Variants in NRG1 observed in about 807,000 individuals in gnomAD.
NRG1 encodes pro-neuregulin-1, membrane-bound isoform.
A neutral mutation model predicts 63.8 loss-of-function variants in NRG1; 18 were observed. That is an observed-to-expected ratio of 0.28 (90% CI 0.19 to 0.42). The LOEUF is 0.42. Ranked by LOEUF, NRG1 falls within the 10% of genes least tolerant of loss-of-function variation. The probability of loss-of-function intolerance (pLI) is 1.00; values close to 1 mark genes in which losing one functional copy is unlikely to be tolerated. For synonymous variants in NRG1, 302 were observed against 301.3 expected, an observed-to-expected ratio of 1.00 and a Z score of -0.02; for missense variants, 762 against 814.7, an observed-to-expected ratio of 0.94 and a Z score of 0.79.
chr8:32,101,715 TG>T (rs1195051006), intron 1 of NRG1, among the ~76,000 whole-genome samples: 1 of 152,132 alleles, frequency 6.6e-6, no homozygotes, highest in Non-Finnish European at 1.5e-5. Context: ...GCGTTTAATG[TG>T]GAAGGTAAAT....
chr8:32,355,454 C>T (rs538253655), intron 1 of NRG1, among the ~76,000 whole-genome samples: 5 of 151,756 alleles, frequency 3.3e-5, no homozygotes, highest in African/African-American at 4.8e-5. Context: ...GCAAGACTCC[C>T]GTCTCAAAAA....
intron 1 of NRG1, among the ~76,000 whole-genome samples, chr8:31,914,565 C>G (rs1833223001): frequency 6.6e-6 from 1 of 152,058 alleles, no homozygotes. Context: ...CATCGTAGAT[C>G]TGCTAATGGT....
chr8:31,966,473 C>T (rs1806350864), intron 1 of NRG1, among the ~76,000 whole-genome samples: 1 of 152,242 alleles, frequency 6.6e-6, no homozygotes, highest in African/African-American at 2.4e-5. Flanking sequence ...ATTCAAGAGA[C>T]TCCTAATCTT....
intron 1 of NRG1, among the ~76,000 whole-genome samples, chr8:32,187,498 G>T (rs2132158287): frequency 6.6e-6 from 1 of 152,240 alleles, no homozygotes; most frequent in African/African-American, 2.4e-5. Context: ...AAGGACAAAT[G>T]ACAAAAGATG....
chr8:32,149,979 A>G (rs1056125734), intron 1 of NRG1, among the ~76,000 whole-genome samples: 6 of 152,254 alleles, frequency 3.9e-5, no homozygotes, highest in African/African-American at 1.4e-4. Context: ...TGGCAGCACT[A>G]GCAAGGGCTA....
rs565494837 is a variant in NRG1 at position 32,067,943 on chromosome 8, G to A, written c.37+428512G>A. Among the ~76,000 whole-genome samples, 4 of 152,286 alleles carry A rather than the reference G, an allele frequency of 2.6e-5. No homozygotes were observed. The South Asian group carries it at 6.2e-4, about 24-fold the overall frequency. ...ATGTATTTCTCTGTAAACTTTGGCTGTTAGCATCCTTTTTCAATGCTTGTG... is the reference window on the plus strand; with the variant it reads ...ATGTATTTCTCTGTAAACTTTGGCTATTAGCATCCTTTTTCAATGCTTGTG... On this transcript the variant is annotated intron_variant, in intron 1 of 10. Transcript: ENST00000519301.
chr8:32,317,107 T>C (rs1164694298), intron 1 of NRG1, among the ~76,000 whole-genome samples: 1 of 148,606 alleles, frequency 6.7e-6, no homozygotes, highest in Admixed American at 6.7e-5. Context: ...GTTAGATGTA[T>C]ACGTTCTCTC....
chr8:32,678,411 C>A (rs184082589), intron 5 of NRG1, among the ~76,000 whole-genome samples: 1 of 152,070 alleles, frequency 6.6e-6, no homozygotes. Flanking sequence ...GATATTTTGG[C>A]TTTTGGTCCT....
At chr8:32,208,668 G>A (rs999162900) in intron 1 of NRG1, among the ~76,000 whole-genome samples, 18 of 151,960 alleles carry the variant, frequency 1.2e-4, no homozygotes, top group Admixed American at 3.9e-4. Context: ...TTATGTATAC[G>A]GATGCTCCTG....
At chr8:32,221,758 C>T (rs1051877328) in intron 1 of NRG1, among the ~76,000 whole-genome samples, 2 of 151,718 alleles carry the variant, frequency 1.3e-5, no homozygotes, top group African/African-American at 2.4e-5. Flanking sequence ...ATGTCGAGCC[C>T]GTGAATCTCT....
At chr8:32,335,006 T>A (rs1392292463) in intron 1 of NRG1, among the ~76,000 whole-genome samples, 2 of 152,130 alleles carry the variant, frequency 1.3e-5, no homozygotes, top group African/African-American at 4.8e-5. Flanking sequence ...GTGTTATTAT[T>A]ACTGCTTCAC....
intron 1 of NRG1, among the ~76,000 whole-genome samples, chr8:32,552,470 A>G (rs1439000471): frequency 6.6e-6 from 1 of 152,070 alleles, no homozygotes; most frequent in Non-Finnish European, 1.5e-5. Flanking sequence ...TAGTATCCCA[A>G]ATAGGTAGAA....
At chr8:32,386,956 A>G (rs978728063) in intron 1 of NRG1, among the ~76,000 whole-genome samples, 2 of 150,506 alleles carry the variant, frequency 1.3e-5, no homozygotes, top group African/African-American at 4.9e-5. Context: ...TGAGAACAAA[A>G]CTCACATATG....
chr8:32,021,994 T>C (rs1314651563), intron 1 of NRG1, among the ~76,000 whole-genome samples: 1 of 152,220 alleles, frequency 6.6e-6, no homozygotes, highest in Non-Finnish European at 1.5e-5. Flanking sequence ...TTGGTGTTTT[T>C]CTATTTATTG....
chr8:31,890,780 AGAT>A (rs1202100395), intron 1 of NRG1, among the ~76,000 whole-genome samples: 1 of 152,260 alleles, frequency 6.6e-6, no homozygotes, highest in Non-Finnish European at 1.5e-5. Context: ...TGAAAATGCC[AGAT>A]GATAACAGGA....
At chr8:31,969,898 C>A (rs879704064) in intron 1 of NRG1, among the ~76,000 whole-genome samples, 2 of 152,126 alleles carry the variant, frequency 1.3e-5, no homozygotes, top group African/African-American at 2.4e-5. Context: ...ACACTCCTGG[C>A]ATGATTTCCA....
chr8:32,262,494 C>A (rs1850495521), intron 1 of NRG1, among the ~76,000 whole-genome samples: 2 of 152,160 alleles, frequency 1.3e-5, no homozygotes, highest in Non-Finnish European at 2.9e-5. Flanking sequence ...AAACACTCAA[C>A]CGCAGACACC....
intron 1 of NRG1, among the ~76,000 whole-genome samples, chr8:31,887,615 TC>T (rs1483651448): frequency 6.6e-6 from 1 of 152,048 alleles, no homozygotes; most frequent in Non-Finnish European, 1.5e-5. Context: ...CTGGGAGCAG[TC>T]CTAAGGTGGA....
At chr8:32,005,961 A>G (rs1025273167) in intron 1 of NRG1, among the ~76,000 whole-genome samples, 43 of 152,058 alleles carry the variant, frequency 2.8e-4, no homozygotes, top group African/African-American at 1.0e-3. Context: ...AGCAGAGTGA[A>G]TTTCTCTCAC....
Sources: gnomAD v4.1 joint callset for allele counts (sites outside exome capture counted in the v4.1 genomes callset) on GRCh38, gnomAD v4.1.1 for gene constraint, MANE v1.5 for transcripts, NCBI Gene and HGNC (gene_info 2026-07-23, HGNC 2026-07-21) for gene names.